MYO6: variants seen among roughly 807,000 people sequenced by gnomAD.
The protein encoded by MYO6 is myosin VI, also known as unconventional myosin-VI.
Under a neutral mutation model 178.7 loss-of-function variants are expected in MYO6, and 74 were observed. The observed-to-expected ratio is 0.41, with a 90% confidence interval of 0.34 to 0.50. The LOEUF is 0.50. MYO6 is among the 20% of genes least tolerant of loss of function. The probability of loss-of-function intolerance (pLI) is 0.09; values close to 1 mark genes in which losing one functional copy is unlikely to be tolerated. For synonymous variants in MYO6, 477 were observed against 504.6 expected (o/e 0.95, Z 0.73); for missense variants, 1,330 against 1,547.4 (o/e 0.86, Z 2.36).
chr6:75,894,841 G>T, intron 28 of MYO6: 1 of 1,511,838 alleles, frequency 6.6e-7, no homozygotes, highest in Non-Finnish European at 8.9e-7. Context: ...TAACTTCTAA[G>T]TAAGAATTGT....
chr6:75,753,455 G>GTGTGTGTGTATA (rs370647728), intron 1 of MYO6, among the ~76,000 whole-genome samples: 7 of 140,058 alleles, frequency 5.0e-5, no homozygotes, highest in African/African-American at 1.9e-4. Flanking sequence ...GTGTGTGTGT[G>GTGTGTGTGTATA]TATATATATA....
At chr6:75,841,838 G>C (rs970681635) in intron 9 of MYO6, among the ~76,000 whole-genome samples, 1 of 152,168 alleles carries the variant, frequency 6.6e-6, no homozygotes, top group Non-Finnish European at 1.5e-5. Flanking sequence ...CCACTGTACT[G>C]AGAAGATCTC....
chr6:75,864,805 A>G (rs1776511477), intron 16 of MYO6, among the ~76,000 whole-genome samples: 1 of 152,250 alleles, frequency 6.6e-6, no homozygotes, highest in Non-Finnish European at 1.5e-5. Context: ...AATAAATAAA[A>G]TAATCATTTA....
chr6:75,795,746 C>T (rs187339881), intron 1 of MYO6, among the ~76,000 whole-genome samples: 1 of 152,298 alleles, frequency 6.6e-6, no homozygotes, highest in Admixed American at 6.5e-5. Flanking sequence ...TTTTGAGAAT[C>T]TGTTATATTA....
chr6:75,811,470 G>C (rs1207101761), intron 1 of MYO6, among the ~76,000 whole-genome samples: 1 of 152,106 alleles, frequency 6.6e-6, no homozygotes, highest in African/African-American at 2.4e-5. Flanking sequence ...TGTAGATAAA[G>C]GGCTTTGATG....
intron 32 of MYO6, among the ~76,000 whole-genome samples, chr6:75,909,635 G>C (rs1357368634): frequency 3.9e-5 from 6 of 152,156 alleles, no homozygotes; most frequent in African/African-American, 1.4e-4. Flanking sequence ...TGTGATATGC[G>C]AGTTGTAATT....
intron 33 of MYO6, among the ~76,000 whole-genome samples, 187 bp downstream of exon 33, chr6:75,911,885 T>C (rs1043720778): frequency 6.6e-6 from 1 of 152,038 alleles, no homozygotes; most frequent in African/African-American, 2.4e-5. Context: ...CACTCCAATA[T>C]GTATATGTAT....
intron 1 of MYO6, among the ~76,000 whole-genome samples, chr6:75,755,783 G>T (rs1460124887): frequency 6.6e-6 from 1 of 152,152 alleles, no homozygotes; most frequent in African/African-American, 2.4e-5. Flanking sequence ...ACTATTCTAA[G>T]TTCTAGGGAT....
At chr6:75,817,017 T>C (rs947498421) in intron 1 of MYO6, among the ~76,000 whole-genome samples, 1 of 152,020 alleles carries the variant, frequency 6.6e-6, no homozygotes, top group Admixed American at 6.6e-5. Context: ...TAAAAGTAGA[T>C]AAAGGGGGCC....
chr6:75,761,310 T>C (rs1243753188), intron 1 of MYO6, among the ~76,000 whole-genome samples: 1 of 152,064 alleles, frequency 6.6e-6, no homozygotes, highest in Non-Finnish European at 1.5e-5. Flanking sequence ...CTTTCAGGTA[T>C]GGGAGGAGGG....
intron 1 of MYO6, among the ~76,000 whole-genome samples, chr6:75,806,673 C>T (rs1770125802): frequency 6.6e-6 from 1 of 152,232 alleles, no homozygotes; most frequent in Non-Finnish European, 1.5e-5. Flanking sequence ...TAAAGACATT[C>T]TTAAGCCACA....
intron 1 of MYO6, among the ~76,000 whole-genome samples, chr6:75,800,062 A>AT (rs567841541): frequency 9.2e-5 from 14 of 151,960 alleles, no homozygotes; most frequent in South Asian, 8.3e-4. Context: ...AAAAATACTA[A>AT]TTTTTTTTCT....
intron 6 of MYO6, 83 bp downstream of exon 6, chr6:75,833,030 A>G (rs1773274323): frequency 3.2e-6 from 3 of 946,314 alleles, no homozygotes; most frequent in South Asian, 1.3e-5. Context: ...TGTGTCACCC[A>G]GGGTGGAATG....
At chr6:75,784,116 C>T (rs1427339190) in intron 1 of MYO6, among the ~76,000 whole-genome samples, 1 of 152,000 alleles carries the variant, frequency 6.6e-6, no homozygotes, top group East Asian at 1.9e-4. Flanking sequence ...GGATCACAGG[C>T]GCATGCCACC....
At chr6:75,795,304 CA>C (rs994418353) in intron 1 of MYO6, among the ~76,000 whole-genome samples, 1 of 152,024 alleles carries the variant, frequency 6.6e-6, no homozygotes, top group African/African-American at 2.4e-5. Flanking sequence ...TAAAAAAAAC[CA>C]AAAGTTTGCT....
intron 1 of MYO6, among the ~76,000 whole-genome samples, chr6:75,783,992 G>A (rs548979474): frequency 6.6e-6 from 1 of 152,162 alleles, no homozygotes; most frequent in Non-Finnish European, 1.5e-5. Context: ...TTATTTATGA[G>A]ACAGAGTCTT....
At chr6:75,897,420 CT>C (rs1779389822) in intron 29 of MYO6, among the ~76,000 whole-genome samples, 1 of 152,176 alleles carries the variant, frequency 6.6e-6, no homozygotes, top group Non-Finnish European at 1.5e-5. Flanking sequence ...ATCTTGTTCT[CT>C]GACTGTGCTT....
At chr6:75,903,235 A>G (rs1046737470) in intron 30 of MYO6, among the ~76,000 whole-genome samples, 6 of 151,868 alleles carry the variant, frequency 4.0e-5, no homozygotes, top group Admixed American at 2.6e-4. Flanking sequence ...GTAGATGTCT[A>G]TTAGGTCCGC....
intron 22 of MYO6, among the ~76,000 whole-genome samples, chr6:75,880,677 A>G (rs1483348298): frequency 2.0e-5 from 3 of 152,218 alleles, no homozygotes; most frequent in African/African-American, 7.2e-5. Flanking sequence ...AAACTCCTGA[A>G]AAATTAGAAA....
Sources: allele counts gnomAD v4.1 joint callset (sites outside exome capture counted in the v4.1 genomes callset), GRCh38; gene constraint gnomAD v4.1.1; transcripts MANE v1.5; gene names NCBI Gene and HGNC (gene_info 2026-07-23, HGNC 2026-07-21).